TMED3: variants seen among roughly 807,000 people sequenced by gnomAD.
The protein encoded by TMED3 is transmembrane p24 trafficking protein 3.
A neutral mutation model predicts 15.0 loss-of-function variants in TMED3; 9 were observed. That is an observed-to-expected ratio of 0.60 (90% confidence interval 0.36 to 1.04). The LOEUF (loss-of-function observed/expected upper bound fraction) is 1.04. TMED3 is among the 50% of genes least tolerant of loss of function. The pLI is 0.01. For synonymous variants in TMED3, 117 were observed against 121.4 expected (o/e 0.96, Z 0.24); for missense variants, 267 against 278.9 (o/e 0.96, Z 0.30).
chr15:79,358,334 C>T (rs182535687), intron 2 of TMED3, among the ~76,000 whole-genome samples: 135 of 152,374 alleles, frequency 8.9e-4, no homozygotes, highest in African/African-American at 3.1e-3. Context: ...CACTTCAAAG[C>T]ATAAAACTTT....
intron 1 of TMED3, 138 bp from the exon 2 acceptor site, chr15:79,313,619 A>G (rs2058726945): frequency 4.4e-6 from 5 of 1,147,004 alleles, no homozygotes; most frequent in Non-Finnish European, 6.0e-6. Context: ...TAAAATGAGA[A>G]GTGGCGTAGC....
chr15:79,383,081 A>G (rs1893564457), intron 2 of TMED3: 14 of 1,483,510 alleles, frequency 9.4e-6, no homozygotes, highest in South Asian at 1.2e-5. Flanking sequence ...TCCACGGGAC[A>G]TGGCTCTTTG....
chr15:79,377,297 T>TGTGTGTGA (rs1491369749), intron 2 of TMED3, among the ~76,000 whole-genome samples: 55 of 99,560 alleles, frequency 5.5e-4, no homozygotes, highest in South Asian at 3.0e-3. Flanking sequence ...TGTGTGTGTG[T>TGTGTGTGA]GAGAGAGAGA....
intron 2 of TMED3, among the ~76,000 whole-genome samples, chr15:79,388,626 T>C (rs553609807): frequency 6.6e-6 from 1 of 152,300 alleles, no homozygotes; most frequent in African/African-American, 2.4e-5. Context: ...AGTAGTAGGA[T>C]TGCTGGATCA....
intron 2 of TMED3, among the ~76,000 whole-genome samples, chr15:79,375,569 A>G (rs557051009): frequency 1.3e-5 from 2 of 152,154 alleles, no homozygotes; most frequent in Admixed American, 6.5e-5. Context: ...GTTACCATTC[A>G]TGGTGGAAGG....
At chr15:79,388,594 C>A (rs901268884) in intron 2 of TMED3, among the ~76,000 whole-genome samples, 24 of 152,068 alleles carry the variant, frequency 1.6e-4, no homozygotes, top group African/African-American at 5.3e-4. Flanking sequence ...ATAATGACTT[C>A]TTTTCCTCTG....
At chr15:79,328,738 A>C (rs1027630094) in intron 2 of TMED3, among the ~76,000 whole-genome samples, 1 of 152,104 alleles carries the variant, frequency 6.6e-6, no homozygotes, top group Admixed American at 6.5e-5. Context: ...CATCTGAGGA[A>C]CTCTCTCACA....
chr15:79,374,247 A>G (rs1451210020), intron 2 of TMED3, among the ~76,000 whole-genome samples: 2 of 152,176 alleles, frequency 1.3e-5, no homozygotes, highest in South Asian at 2.1e-4. Flanking sequence ...TCAGGTTGGA[A>G]TTTGGTATCT....
At chr15:79,341,218 A>AG in intron 2 of TMED3, among the ~76,000 whole-genome samples, 1 of 68,698 alleles carries the variant, frequency 1.5e-5, no homozygotes, top group African/African-American at 6.1e-5. Flanking sequence ...AAAAAAAAAA[A>AG]GGTGAAGAAA....
At chr15:79,352,900 TATAC>T (rs1379150690) in intron 2 of TMED3, among the ~76,000 whole-genome samples, 3 of 126,628 alleles carry the variant, frequency 2.4e-5, no homozygotes, top group Non-Finnish European at 4.8e-5. Flanking sequence ...ATATATAAAA[TATAC>T]ATATAATATA....
At chr15:79,381,468 C>T (rs1023727857) in intron 2 of TMED3, among the ~76,000 whole-genome samples, 1 of 152,282 alleles carries the variant, frequency 6.6e-6, no homozygotes, top group Non-Finnish European at 1.5e-5. Flanking sequence ...TCCTCTGGAG[C>T]GGTAAGGAGG....
rs549584487 is a variant in TMED3, at chr15:79,364,067, A to G, written c.418-47333A>G. 2.0e-5 allele frequency among the ~76,000 whole-genome samples: 3 copies of G among 152,338 alleles called. No homozygotes were observed. The South Asian group carries it at 6.2e-4, about 32-fold the overall frequency. On this transcript the variant is annotated intron_variant, in intron 2 of 2. Coordinates refer to the TMED3 transcript ENST00000424155. ...GAAAAATTAGGCATGCGGACACCAT[A>G]GAGTGAGTGGAGTAGTATTTTTTAA...
intron 2 of TMED3, chr15:79,314,646 T>C (rs928520840): frequency 4.6e-6 from 2 of 434,320 alleles, no homozygotes; most frequent in Admixed American, 2.4e-5. Context: ...CACCTGCTCA[T>C]GTCCCATGGG....
chr15:79,406,421 G>A (rs1358750412), intron 2 of TMED3, among the ~76,000 whole-genome samples: 1 of 152,168 alleles, frequency 6.6e-6, no homozygotes, highest in Non-Finnish European at 1.5e-5. Context: ...TTGGGCCAGG[G>A]CATCACATGA....
rs373172607 is a variant in TMED3, at chr15:79,311,207, G to T, written c.-43G>T. The T allele has an allele frequency of 2.6e-5, 40 of 1,549,086 alleles. No individual in the cohort carries two copies. The African/African-American group carries it at 5.1e-4, about 20-fold the overall frequency. On this transcript the variant is annotated 5_prime_UTR_variant, in exon 1 of 3. Coordinates refer to ENST00000299705, the MANE Select transcript of TMED3 (RefSeq NM_007364.4). ...GTCGTCGCCCCAGCCCGCCGGGGGC[G>T]CAGCGCCCGAGCCGCGGCCCTCGAG...
At chr15:79,317,273 A>G (rs1049486164) in intron 2 of TMED3, among the ~76,000 whole-genome samples, 3 of 152,178 alleles carry the variant, frequency 2.0e-5, no homozygotes, top group Non-Finnish European at 4.4e-5. Context: ...GATGCTTCAC[A>G]TAAATATCTG....
intron 2 of TMED3, among the ~76,000 whole-genome samples, chr15:79,394,698 AC>A (rs1251450352): frequency 6.6e-6 from 1 of 152,234 alleles, no homozygotes; most frequent in Non-Finnish European, 1.5e-5. Flanking sequence ...TTTTTGAGAG[AC>A]TATTTCAAAC....
intron 2 of TMED3, among the ~76,000 whole-genome samples, chr15:79,376,676 A>T (rs1893432203): frequency 6.6e-6 from 1 of 152,148 alleles, no homozygotes; most frequent in African/African-American, 2.4e-5. Flanking sequence ...AATAGCATTA[A>T]CCTTTTGGCA....
intron 2 of TMED3, among the ~76,000 whole-genome samples, chr15:79,402,990 G>A (rs368640011): frequency 6.6e-5 from 10 of 151,760 alleles, no homozygotes; most frequent in African/African-American, 1.5e-4. Context: ...AGGCTGAGGC[G>A]TGTGGATAAC....
Sources: allele counts gnomAD v4.1 joint callset (sites outside exome capture counted in the v4.1 genomes callset), GRCh38; gene constraint gnomAD v4.1.1; transcripts MANE v1.5; gene names NCBI Gene and HGNC (gene_info 2026-07-23, HGNC 2026-07-21).